MDN1: variants seen among roughly 807,000 people sequenced by gnomAD.
MDN1 encodes the protein midasin AAA ATPase 1.
MDN1 carries 266 observed loss-of-function variants against 669.2 expected under a neutral mutation model. The observed-to-expected ratio is 0.40, with a 90% CI of 0.36 to 0.44. MDN1 has a LOEUF of 0.44. Among genes scored for constraint, MDN1 ranks in the 20% least tolerant of loss-of-function variants. The pLI, the probability that MDN1 is intolerant of heterozygous loss-of-function variation, is 1.00. For missense variants in MDN1, 5,940 were observed against 6,754.0 expected (o/e 0.88, Z 4.22); for synonymous variants, 2,385 against 2,457.1 (o/e 0.97, Z 0.87).
intron 59 of MDN1, 145 bp from the exon 60 acceptor site, chr6:89,696,719 G>T: frequency 1.6e-6 from 1 of 629,758 alleles, no homozygotes; most frequent in South Asian, 1.9e-5. Flanking sequence ...TAGAAGGACA[G>T]AACAGGTTAG....
In MDN1 at chr6:89,745,487, C is replaced by T; in HGVS notation, c.4039+5G>A. The T allele has an allele frequency of 1.2e-6, 2 of 1,614,066 alleles. No homozygotes were observed. The highest frequency in any genetic ancestry group is 1.7e-6 in the Non-Finnish European group (2 of 1,179,976). ...ATATTCCTCTAGGGATTTTGGCCTA[C>T]TCACCCAGCAATTTTAGAACATTTT... On this transcript the variant is annotated splice_donor_5th_base_variant and intron_variant, in intron 28 of 101. Transcript: ENST00000369393.
intron 17 of MDN1, among the ~76,000 whole-genome samples, 188 bp downstream of exon 17, chr6:89,761,457 T>G (rs556634992): frequency 4.6e-5 from 7 of 152,202 alleles, no homozygotes; most frequent in Non-Finnish European, 1.0e-4. Flanking sequence ...ACTTTTAAAA[T>G]TTTTATTTAA....
rs774668187 is a variant in MDN1, at chr6:89,674,402, C to G, written c.12949G>C (p.Ala4317Pro). The change falls in exon 79 of 102, where the codon GCT (alanine) becomes CCT (proline). Residue 4317 changes from alanine (A) to proline (P), a missense_variant. Coordinates refer to ENST00000369393, the MANE Select transcript of MDN1 (RefSeq NM_014611.3). ...LLQCCPSVGP[A>P]PGHGNVQVLG... ...ACCTGGACATTGCCATGGCCTGGAG[C>G]TGGCCCTACACTGGGGCAGCACTGG... 10 of 1,614,096 alleles carry G rather than the reference C, an allele frequency of 6.2e-6. No homozygotes were observed. The Admixed American group carries it at 1.0e-4, about 16-fold the overall frequency.
At chr6:89,725,077 G>T (rs1010972738) in intron 38 of MDN1, 122 bp downstream of exon 38, 3 of 882,786 alleles carry the variant, frequency 3.4e-6, no homozygotes, top group Non-Finnish European at 5.4e-6. Context: ...ATAAGGACAA[G>T]AAAGAGGATC....
rs1171413559 is a variant in MDN1 at position 89,745,387 on chromosome 6, G to A, written c.4064C>T (p.Thr1355Ile). Reference sequence around the variant, plus strand: ...GATATGGCCAAAGTTACACTCCAATGTGGATATCTGAGTAGACAATTTACC... The same window carrying A: ...GATATGGCCAAAGTTACACTCCAATATGGATATCTGAGTAGACAATTTACC... ...LLGKLSTQIS[T>I]LECNFGHIVW... Residue 1355 changes from threonine (T) to isoleucine (I), a missense_variant, in exon 29 of 102, where the codon ACA becomes ATA. Around this residue, in one of 5 missense-constraint regions of MDN1, gnomAD observed 2,292 missense variants for 2,638.3 expected, o/e 0.87. Transcript: ENST00000369393. 3 of 1,614,046 alleles carry A rather than the reference G, an allele frequency of 1.9e-6. No homozygotes were observed. Among genetic ancestry groups the A allele is most frequent in the Non-Finnish European group, 1.7e-6 (2 of 1,179,960 alleles).
chr6:89,786,235 A>G (rs182204816), intron 8 of MDN1, among the ~76,000 whole-genome samples: 238 of 152,002 alleles, frequency 1.6e-3, no homozygotes, highest in African/African-American at 5.3e-3. Context: ...TCCAGCTTGG[A>G]TGACAGAGTG....
At position 89,673,475 on chromosome 6, in the gene MDN1, T is replaced by C. The variant is rs770778227; in HGVS notation, c.13248-13A>G. 1 of 1,612,350 alleles carries C rather than the reference T, an allele frequency of 6.2e-7. No homozygotes were observed. Among genetic ancestry groups the C allele is most frequent in the Non-Finnish European group, 8.5e-7 (1 of 1,178,600 alleles). On this transcript the variant is annotated splice_polypyrimidine_tract_variant and intron_variant, in intron 79 of 101. Transcript: ENST00000369393. Reference sequence around the variant, plus strand: ...TTCAAAATCTTTCCTGCAACAGAAATGCCACAATGTTGAAAGGAATGCATT... The same window carrying C: ...TTCAAAATCTTTCCTGCAACAGAAACGCCACAATGTTGAAAGGAATGCATT...
At chr6:89,737,896 G>T (rs1816080656) in intron 33 of MDN1, among the ~76,000 whole-genome samples, 1 of 151,884 alleles carries the variant, frequency 6.6e-6, no homozygotes. Context: ...GCTAATTTTT[G>T]TATTTTTAGT....
chr6:89,787,986 T>C (rs1819055311), intron 7 of MDN1, 29 bp from the exon 8 acceptor site: 2 of 1,536,582 alleles, frequency 1.3e-6, no homozygotes, highest in South Asian at 2.3e-5. Context: ...ACCGCACTGA[T>C]AAAGTAAAGC....
chr6:89,794,326 A>C, intron 3 of MDN1, 119 bp from the exon 4 acceptor site: 1 of 686,388 alleles, frequency 1.5e-6, no homozygotes, highest in South Asian at 2.0e-5. Flanking sequence ...AACACATTTA[A>C]GAACAGAAAA....
intron 63 of MDN1, 62 bp from the exon 64 acceptor site, chr6:89,690,896 G>A (rs1812337768): frequency 6.5e-7 from 1 of 1,545,008 alleles, no homozygotes; most frequent in Non-Finnish European, 8.8e-7. Context: ...ACAAAGGCAA[G>A]ATTTGCTATT....
chr6:89,793,826 G>T lies in MDN1; in HGVS notation c.791C>A (p.Ser264Tyr). 4 of 1,614,166 alleles carry T rather than the reference G, an allele frequency of 2.5e-6. No homozygotes were observed. The highest frequency in any genetic ancestry group is 3.4e-6 in the Non-Finnish European group (4 of 1,180,036). Residue 264 changes from serine to tyrosine, a missense_variant, in exon 5 of 102, where the codon TCC becomes TAC. Ser to Tyr is a moderately radical substitution (Grantham distance 144). Around this residue, in one of 5 missense-constraint regions of MDN1, gnomAD observed 1,203 missense variants for 1,268.9 expected, o/e 0.95. Transcript: ENST00000369393. ...ACCACAAACAGCTGTCACCCTAGGG[G>T]AGAGGTCAGACGAAACAAGATGTCC... ...LQGHLVSSDL[S>Y]PRVTAVCGVV...
intron 7 of MDN1, among the ~76,000 whole-genome samples, chr6:89,788,895 G>A (rs1469735501): frequency 6.6e-6 from 1 of 152,174 alleles, no homozygotes; most frequent in Admixed American, 6.5e-5. Flanking sequence ...GGAGGCTGAG[G>A]CAGGCAGATC....
intron 88 of MDN1, among the ~76,000 whole-genome samples, chr6:89,660,307 C>T (rs1390611470): frequency 6.6e-6 from 1 of 152,106 alleles, no homozygotes; most frequent in African/African-American, 2.4e-5. Context: ...CGCCTCAGCT[C>T]CTGAGGAGCT....
intron 75 of MDN1, among the ~76,000 whole-genome samples, chr6:89,678,123 T>C (rs958055943): frequency 4.6e-5 from 7 of 151,948 alleles, no homozygotes; most frequent in Non-Finnish European, 7.4e-5. Context: ...AATACAAAAA[T>C]CAGCCGGGTG....
At chr6:89,788,165 T>G (rs1819067024) in intron 7 of MDN1, among the ~76,000 whole-genome samples, 1 of 152,116 alleles carries the variant, frequency 6.6e-6, no homozygotes, top group Admixed American at 6.5e-5. Flanking sequence ...CACGAGTGCC[T>G]CCTGTGGATC....
intron 79 of MDN1, 73 bp downstream of exon 79, chr6:89,674,030 TC>T: frequency 6.3e-6 from 9 of 1,426,832 alleles, no homozygotes; most frequent in Non-Finnish European, 8.4e-6. Flanking sequence ...ACCCTTCCCT[TC>T]CCACCCCCAA....
rs915591603 is a variant in MDN1, at chr6:89,661,347, C to T, written c.14713+84G>A. 1.2e-5 allele frequency: 18 copies of T among 1,471,148 alleles called. No homozygotes were observed. The African/African-American group carries it at 2.4e-4, about 20-fold the overall frequency. 91.1% of individuals were successfully genotyped at this position (1,471,148 alleles called of 1,614,324 possible). On this transcript the variant is annotated intron_variant, in intron 88 of 101. Transcript: ENST00000369393. The stretch of plus-strand genomic sequence containing the variant: ...AACGTGATTTATCACCTGGCCATGA[C>T]ACTGAGCTAGCTTTCAAAAGAGAAA...
chr6:89,644,678 C>T (rs1002616053), intron 101 of MDN1, among the ~76,000 whole-genome samples: 12 of 152,228 alleles, frequency 7.9e-5, no homozygotes, highest in African/African-American at 2.9e-4. Context: ...TACCCATTAT[C>T]AAGGCTGCAA....
Sources: allele counts gnomAD v4.1 joint callset (sites outside exome capture counted in the v4.1 genomes callset), GRCh38; gene constraint gnomAD v4.1.1; regional missense constraint gnomAD v4.1.1; transcripts MANE v1.5; gene names NCBI Gene and HGNC (gene_info 2026-07-23, HGNC 2026-07-21).